Variants in GYS1 observed in about 807,000 individuals in gnomAD.
GYS1 encodes the protein glycogen synthase 1, also known as glycogen [starch] synthase, muscle.
Under a neutral mutation model 89.1 loss-of-function variants are expected in GYS1, and 60 were observed. That is an observed-to-expected ratio of 0.67 (90% CI 0.55 to 0.84). GYS1 has a LOEUF of 0.84. Among genes scored for constraint, GYS1 ranks in the 40% least tolerant of loss-of-function variants. The pLI, the probability that GYS1 is intolerant of heterozygous loss-of-function variation, is 0.00. For synonymous variants in GYS1, 366 were observed against 401.7 expected (o/e 0.91, Z 1.06); for missense variants, 888 against 1,003.1 (o/e 0.89, Z 1.55).
chr19:48,987,929 T>C (rs2038866957), intron 2 of GYS1, among the ~76,000 whole-genome samples: 1 of 151,984 alleles, frequency 6.6e-6, no homozygotes, highest in Admixed American at 6.6e-5. Context: ...GCCTCCCGAG[T>C]AGCTGGGACT....
At chr19:48,972,102 G>A (rs539044172) in intron 12 of GYS1, among the ~76,000 whole-genome samples, 6 of 151,678 alleles carry the variant, frequency 4.0e-5, no homozygotes, top group East Asian at 1.9e-4. Flanking sequence ...AGGCCAAGGC[G>A]GGTGGATCAC....
chr19:48,987,736 A>AC (rs2038864326), intron 2 of GYS1, among the ~76,000 whole-genome samples: 1 of 151,706 alleles, frequency 6.6e-6, no homozygotes. Context: ...TCCCGGGTTC[A>AC]AGCAATTCTC....
Position 48,970,975 on chromosome 19 carries a change from C to A in GYS1, c.1598G>T (p.Gly533Val). The change falls in exon 13 of 16, where the codon GGC becomes GTC. Residue 533 changes from glycine (G) to valine (V), a missense_variant. By Grantham distance (109) the Gly-to-Val change is moderately radical. Coordinates refer to ENST00000323798, the MANE Select transcript of GYS1 (RefSeq NM_002103.5). Reference protein sequence around the residue: ...GIPSISTNLSGFGCFMEEHIA... With the variant: ...GIPSISTNLSVFGCFMEEHIA... The stretch of plus-strand genomic sequence containing the variant: ...GTGTTCCTCCATGAAGCAGCCGAAG[C>A]CGGAGAGATTGGTGGAGATACTGGG... 1 of 1,614,078 alleles carries A rather than the reference C, an allele frequency of 6.2e-7. No homozygotes were observed. The highest frequency in any genetic ancestry group is 8.5e-7 in the Non-Finnish European group (1 of 1,179,964).
chr19:48,970,828 G>A, intron 13 of GYS1, 100 bp downstream of exon 13: 1 of 1,383,598 alleles, frequency 7.2e-7, no homozygotes, highest in Non-Finnish European at 1.0e-6. Context: ...CCATTTCCTG[G>A]TGCCCCTGGT....
chr19:48,984,681 A>G (rs1044536237), intron 5 of GYS1, among the ~76,000 whole-genome samples: 3 of 152,128 alleles, frequency 2.0e-5, no homozygotes, highest in Non-Finnish European at 4.4e-5. Context: ...GGTGTGAGCC[A>G]CTGCGCCCAG....
chr19:48,978,242 T>G lies in GYS1; in HGVS notation c.1170-85A>C. 3 of 1,221,582 alleles carry G rather than the reference T, an allele frequency of 2.5e-6. No individual in the cohort carries two copies. The East Asian group carries it at 7.0e-5, about 28-fold the overall frequency. 75.7% of individuals were successfully genotyped at this position (1,221,582 alleles called of 1,614,324 possible). A position where few individuals can be genotyped will look rare whatever the true frequency, so the allele number is the denominator to read the frequency against. ...CTTTAGTTAGTTTGTTTGTTTATTT[T>G]GAGACGGAGTTTGGCTCTTGTTGCC... On this transcript the variant is annotated intron_variant, in intron 8 of 15. Transcript: ENST00000323798.
Position 48,969,002 on chromosome 19 carries a change from A to G in GYS1, c.*286T>C, listed in dbSNP as rs1206935850. 6 of 637,092 alleles carry G rather than the reference A, an allele frequency of 9.4e-6. No homozygotes were observed. The highest frequency in any genetic ancestry group is 2.9e-6 in the Non-Finnish European group (1 of 344,942). The allele number at this position is 637,092 out of a possible 1,614,324, so 39.5% of individuals were successfully genotyped here. ...CCTAAAACCTCTGGCACCACCGCAG[A>G]GTAATGGCAGATTCCTGGCCTCTGG... On this transcript the variant is annotated 3_prime_UTR_variant, in exon 16 of 16. Transcript: ENST00000323798.
At chr19:48,985,378 C>A in intron 5 of GYS1, 83 bp downstream of exon 5, 1 of 1,403,374 alleles carries the variant, frequency 7.1e-7, no homozygotes, top group Non-Finnish European at 1.0e-6. Context: ...TTACAGTGGG[C>A]TTCTTGGGCT....
In GYS1 at chr19:48,981,514, A is replaced by C; in HGVS notation, c.1169+16T>G. 6.9e-7 allele frequency: 1 copy of C among 1,453,270 alleles called. No individual in the cohort carries two copies. Among genetic ancestry groups the C allele is most frequent in the African/African-American group, 1.4e-5 (1 of 72,098 alleles). 90.0% of individuals were successfully genotyped at this position (1,453,270 alleles called of 1,614,324 possible). A position where few individuals can be genotyped will look rare whatever the true frequency, so the allele number is the denominator to read the frequency against. On this transcript the variant is annotated intron_variant, in intron 8 of 15. Coordinates refer to ENST00000323798, the MANE Select transcript of GYS1 (RefSeq NM_002103.5). ...GGGAGTGGGCTGCGCCAGGGGCCGG[A>C]GCGAGGGCTGCTAACCAAAGCTGTT...
rs780784746 is a variant in GYS1, at chr19:48,982,236, C to T, written c.1062+19G>A. On this transcript the variant is annotated intron_variant, in intron 7 of 15. Transcript: ENST00000323798. ...CTGCTTTGCTTGCCCTCCCTGTCCC[C>T]TCATAGCCCAGGCCTCACTCTGAGC... The T allele has an allele frequency of 9.9e-6, 16 of 1,612,798 alleles. No individual in the cohort carries two copies. The highest frequency in any genetic ancestry group is 2.2e-5 in the East Asian group (1 of 44,806).
intron 5 of GYS1, among the ~76,000 whole-genome samples, chr19:48,983,789 C>G (rs1385456925): frequency 6.6e-6 from 1 of 152,122 alleles, no homozygotes; most frequent in African/African-American, 2.4e-5. Context: ...TTTCATAAGA[C>G]CAATCTACAT....
intron 14 of GYS1, chr19:48,970,300 T>A (rs969826069): frequency 5.9e-6 from 3 of 506,234 alleles, no homozygotes; most frequent in Non-Finnish European, 7.1e-6. Flanking sequence ...GATTTTTTTT[T>A]ATTTTTAGTA....
chr19:48,985,754 C>A, intron 4 of GYS1, 96 bp downstream of exon 4: 1 of 1,533,592 alleles, frequency 6.5e-7, no homozygotes, highest in Non-Finnish European at 9.0e-7. Context: ...CTCCTGGATC[C>A]TGGGAGAAGA....
chr19:48,982,721 C>T lies in GYS1; in HGVS notation c.940G>A (p.Gly314Arg). ...IQEFVRGHFY[G>R]HLDFNLDKTL... Reference sequence around the variant, plus strand: ...GACCTAGGTATATGCCCCACGTACCCATAAAAATGGCCCCGCACAAACTCC... The same window carrying T: ...GACCTAGGTATATGCCCCACGTACCTATAAAAATGGCCCCGCACAAACTCC... The change falls in exon 6 of 16, where the codon GGG (glycine) becomes AGG (arginine). Residue 314 changes from glycine to arginine, a missense_variant and splice_region_variant. Coordinates refer to ENST00000323798, the MANE Select transcript of GYS1 (RefSeq NM_002103.5). 1 of 1,591,490 alleles carries T rather than the reference C, an allele frequency of 6.3e-7. No homozygotes were observed. The highest frequency in any genetic ancestry group is 2.2e-5 in the East Asian group (1 of 44,774).
At chr19:48,985,707 T>C in intron 4 of GYS1, 102 bp from the exon 5 acceptor site, 2 of 1,520,236 alleles carry the variant, frequency 1.3e-6, no homozygotes, top group Non-Finnish European at 9.1e-7. Context: ...GGGGCTGGAT[T>C]CCTGGGTCTG....
Position 48,969,411 on chromosome 19 carries a change from C to T in GYS1, c.2091G>A (p.Ala697=), listed in dbSNP as rs752755917. ...NIRAPEWPRR[A]SCTSSTSGSK... ...TGCCGCTGGTGGAGGAGGTGCAGGACGCTCGGCGCGGCCACTCTGGTGCAC... is the reference window on the plus strand; with the variant it reads ...TGCCGCTGGTGGAGGAGGTGCAGGATGCTCGGCGCGGCCACTCTGGTGCAC... Residue 697 remains alanine, a synonymous_variant, in exon 16 of 16, where the codon GCG becomes GCA. Transcript: ENST00000323798. 9.0e-6 allele frequency: 14 copies of T among 1,550,380 alleles called. No individual in the cohort carries two copies. Among genetic ancestry groups the T allele is most frequent in the African/African-American group, 6.8e-5 (5 of 73,188 alleles).
chr19:48,978,660 T>G (rs2038700007), intron 8 of GYS1, among the ~76,000 whole-genome samples: 1 of 151,816 alleles, frequency 6.6e-6, no homozygotes, highest in Non-Finnish European at 1.5e-5. Flanking sequence ...GCCTCCTGAG[T>G]AGCCGGGATT....
In GYS1 at chr19:48,985,400, GGCTTTGGCA is replaced by G. The variant is rs1390686971; in HGVS notation, c.823+52_823+60del. Reference sequence around the variant, plus strand: ...GGGCTTCTTGGGCTGAGGAGCAACTGGCTTTGGCATAGACAGCTGCCTACCTCATTCACG... The same window carrying G: ...GGGCTTCTTGGGCTGAGGAGCAACTGTAGACAGCTGCCTACCTCATTCACG... On this transcript the variant is annotated intron_variant, in intron 5 of 15. Coordinates refer to ENST00000323798, the MANE Select transcript of GYS1 (RefSeq NM_002103.5). 11 of 1,560,284 alleles carry G rather than the reference GGCTTTGGCA, an allele frequency of 7.1e-6. No individual in the cohort carries two copies. The African/African-American group carries it at 1.5e-4, about 21-fold the overall frequency.
chr19:48,982,969 C>T (rs920432282), intron 5 of GYS1, 132 bp from the exon 6 acceptor site: 3 of 722,140 alleles, frequency 4.2e-6, no homozygotes, highest in Admixed American at 2.1e-5. Flanking sequence ...TATGAGGTCC[C>T]CCCTCCCACC....
Sources: allele counts gnomAD v4.1 joint callset (sites outside exome capture counted in the v4.1 genomes callset), GRCh38; gene constraint gnomAD v4.1.1; transcripts MANE v1.5; gene names NCBI Gene and HGNC (gene_info 2026-07-23, HGNC 2026-07-21).